The following GALNT2 variants were observed in gnomAD, a reference collection of about 807,000 sequenced individuals.
GALNT2 encodes the protein UDP-GalNAc:polypeptide N-acetylgalactosaminyltransferase 2.
GALNT2 carries 31 observed loss-of-function variants against 81.4 expected under a neutral mutation model. The observed-to-expected ratio is 0.38, with a 90% CI of 0.29 to 0.51. GALNT2 has a LOEUF of 0.51. GALNT2 is among the 20% of genes least tolerant of loss of function. The pLI is 0.87. For missense variants in GALNT2, 629 were observed against 765.7 expected, an observed-to-expected ratio of 0.82 and a Z score of 2.11; for synonymous variants, 303 against 287.4, an observed-to-expected ratio of 1.05 and a Z score of -0.55.
chr1:230,229,742 G>T (rs779958301), intron 3 of GALNT2, among the ~76,000 whole-genome samples: 10 of 152,326 alleles, frequency 6.6e-5, no homozygotes, highest in Middle Eastern at 3.4e-3. Context: ...AAACAGAGCT[G>T]TGTGTGTCAG....
At chr1:230,225,674 G>GTTTTTTTTTTTTT in intron 3 of GALNT2, among the ~76,000 whole-genome samples, 1 of 141,122 alleles carries the variant, frequency 7.1e-6, no homozygotes, top group Non-Finnish European at 1.5e-5. Context: ...AGGAGGCAGA[G>GTTTTTTTTTTTTT]TTTTTTTGTT....
chr1:230,160,622 G>T (rs1295814394), intron 1 of GALNT2, among the ~76,000 whole-genome samples: 1 of 151,484 alleles, frequency 6.6e-6, no homozygotes, highest in Non-Finnish European at 1.5e-5. Flanking sequence ...GCTGAGGCAG[G>T]AGAATTGCTT....
upstream of GALNT2, among the ~76,000 whole-genome samples, chr1:230,065,425 ATGTG>A (rs756363475): frequency 1.4e-4 from 21 of 151,298 alleles, no homozygotes; most frequent in African/African-American, 3.9e-4. Flanking sequence ...TATCCTAGAT[ATGTG>A]TGTGTGTGTG....
chr1:230,236,485 T>TG, intron 5 of GALNT2, 65 bp downstream of exon 5: 1 of 1,544,672 alleles, frequency 6.5e-7, no homozygotes, highest in East Asian at 2.3e-5. Flanking sequence ...CTTCCTGTAG[T>TG]GGGGGTGCTA....
chr1:230,173,306 T>C (rs1370109901), intron 1 of GALNT2, among the ~76,000 whole-genome samples: 1 of 152,224 alleles, frequency 6.6e-6, no homozygotes, highest in Non-Finnish European at 1.5e-5. Flanking sequence ...AGCGTTCTCC[T>C]GTCCCATGTT....
At chr1:230,075,212 G>A (rs1480119949) in intron 1 of GALNT2, among the ~76,000 whole-genome samples, 6 of 129,522 alleles carry the variant, frequency 4.6e-5, no homozygotes, top group Non-Finnish European at 6.2e-5. Flanking sequence ...TGCAACCTCC[G>A]CCTCCCGGGT....
chr1:230,121,301 C>T (rs990739606), intron 1 of GALNT2, among the ~76,000 whole-genome samples: 3 of 152,226 alleles, frequency 2.0e-5, no homozygotes, highest in East Asian at 1.9e-4. Context: ...CCTGAGGAGG[C>T]GCTGTCTTAG....
At chr1:230,120,874 T>G (rs2102800803) in intron 1 of GALNT2, among the ~76,000 whole-genome samples, 1 of 152,308 alleles carries the variant, frequency 6.6e-6, no homozygotes, top group East Asian at 1.9e-4. Context: ...TTGGATAAAA[T>G]AAAATTCCCA....
At chr1:230,136,570 CA>C (rs1238530898) in intron 1 of GALNT2, among the ~76,000 whole-genome samples, 1 of 152,194 alleles carries the variant, frequency 6.6e-6, no homozygotes, top group African/African-American at 2.4e-5. Flanking sequence ...GGAATATGTC[CA>C]GCCCTAATGA....
chr1:230,182,754 G>A (rs1272057215), intron 2 of GALNT2, among the ~76,000 whole-genome samples: 1 of 152,172 alleles, frequency 6.6e-6, no homozygotes, highest in African/African-American at 2.4e-5. Context: ...CTAGTTGATT[G>A]ATGGTGTTGT....
Position 230,163,908 on chromosome 1 carries a change from G to C in GALNT2, c.127-14310G>C, listed in dbSNP as rs571432830. Reference sequence around the variant, plus strand: ...AACCACATGGACACGGGGTCAGTCTGTCTGTCCCAGAACTGGCCGGGGGTG... The same window carrying C: ...AACCACATGGACACGGGGTCAGTCTCTCTGTCCCAGAACTGGCCGGGGGTG... On this transcript the variant is annotated intron_variant, in intron 1 of 15. Coordinates refer to ENST00000366672, the MANE Select transcript of GALNT2 (RefSeq NM_004481.5). 2.1e-4 allele frequency among the ~76,000 whole-genome samples: 32 copies of C among 152,312 alleles called. No homozygotes were observed. In the South Asian group the frequency reaches 6.2e-3, roughly 30 times the overall value.
chr1:230,253,822 T>C (rs545189411), intron 10 of GALNT2, among the ~76,000 whole-genome samples: 1 of 152,334 alleles, frequency 6.6e-6, no homozygotes, highest in Non-Finnish European at 1.5e-5. Context: ...AAAAAATCCC[T>C]ACTCCTTCCT....
intron 9 of GALNT2, among the ~76,000 whole-genome samples, chr1:230,249,938 C>T (rs973263391): frequency 1.3e-5 from 2 of 152,224 alleles, no homozygotes; most frequent in African/African-American, 2.4e-5. Flanking sequence ...GCTCAGTGTA[C>T]ATCTGTTGTC....
At chr1:230,067,163 G>T, upstream of GALNT2, 3 of 469,146 alleles carry the variant, frequency 6.4e-6, no homozygotes, top group Non-Finnish European at 9.1e-6. Context: ...GCGGGAGGAG[G>T]AGCCGCCGCC....
At chr1:230,258,677 A>AT (rs1046630672) in intron 11 of GALNT2, 1 of 152,242 alleles carries the variant, frequency 6.6e-6, no homozygotes, top group Non-Finnish European at 1.5e-5. Context: ...CTCAAAAACT[A>AT]TGTTTCTTCA....
intron 1 of GALNT2, among the ~76,000 whole-genome samples, chr1:230,153,125 G>A (rs1004797075): frequency 6.6e-6 from 1 of 152,156 alleles, no homozygotes; most frequent in Non-Finnish European, 1.5e-5. Context: ...GTGCAGTGGC[G>A]TGATCATGGC....
rs755072138 is a variant in GALNT2 at position 230,235,984 on chromosome 1, G to T, written c.375-30G>T. On this transcript the variant is annotated intron_variant, in intron 3 of 15. Transcript: ENST00000366672. ...AGCTGTGGCTGCTCTGGGGGTCATT[G>T]TTCAGAGGACCATCTTTCTCTTCCT... 5 of 1,608,358 alleles carry T rather than the reference G, an allele frequency of 3.1e-6. No homozygotes were observed. In the East Asian group the frequency reaches 1.1e-4, roughly 36 times the overall value.
At chr1:230,077,028 T>C (rs1203902107) in intron 1 of GALNT2, among the ~76,000 whole-genome samples, 1 of 152,212 alleles carries the variant, frequency 6.6e-6, no homozygotes, top group Admixed American at 6.5e-5. Context: ...GAGGAGCCGG[T>C]GCAAATTAAA....
intron 1 of GALNT2, among the ~76,000 whole-genome samples, chr1:230,112,384 G>C (rs992501888): frequency 2.0e-5 from 1 of 51,132 alleles, no homozygotes; most frequent in Admixed American, 1.5e-4. Flanking sequence ...CGCCGGGGGA[G>C]GGGGGGGGCC....
Sources: allele counts gnomAD v4.1 joint callset (sites outside exome capture counted in the v4.1 genomes callset), GRCh38; gene constraint gnomAD v4.1.1; transcripts MANE v1.5; gene names NCBI Gene and HGNC (gene_info 2026-07-23, HGNC 2026-07-21).